MDGA2: variants seen among roughly 807,000 people sequenced by gnomAD.
MDGA2 encodes the protein MAM domain containing glycosylphosphatidylinositol anchor 2, also known as MAM domain-containing glycosylphosphatidylinositol anchor protein 2.
A neutral mutation model predicts 117.8 loss-of-function variants in MDGA2; 40 were observed. The observed-to-expected ratio is 0.34, with a 90% CI of 0.26 to 0.44. The LOEUF is 0.44. MDGA2 is among the 20% of genes least tolerant of loss of function. The pLI is 1.00. For missense variants in MDGA2, 1,123 were observed against 1,250.6 expected (o/e 0.90, Z 1.54); for synonymous variants, 452 against 439.0 (o/e 1.03, Z -0.37).
At chr14:46,977,430 T>C (rs1196900963) in intron 8 of MDGA2, among the ~76,000 whole-genome samples, 2 of 151,952 alleles carry the variant, frequency 1.3e-5, no homozygotes, top group African/African-American at 4.8e-5. Context: ...TTTTCTAGAA[T>C]AAGTAACCCT....
At chr14:47,165,543 T>C (rs1373589565) in intron 3 of MDGA2, among the ~76,000 whole-genome samples, 3 of 152,132 alleles carry the variant, frequency 2.0e-5, no homozygotes, top group African/African-American at 7.2e-5. Context: ...AGGTAAGGGA[T>C]AAAGGTACCC....
At chr14:47,447,583 A>G (rs1463129286) in intron 1 of MDGA2, among the ~76,000 whole-genome samples, 1 of 152,104 alleles carries the variant, frequency 6.6e-6, no homozygotes, top group Admixed American at 6.6e-5. Context: ...AATTCTTAAC[A>G]TTCTATGGGG....
At chr14:47,372,810 T>C (rs1476498093) in intron 1 of MDGA2, among the ~76,000 whole-genome samples, 2 of 151,994 alleles carry the variant, frequency 1.3e-5, no homozygotes, top group Non-Finnish European at 2.9e-5. Context: ...AATAATTAAA[T>C]TTGACTATCC....
At chr14:47,529,785 T>C (rs1254932059) in intron 1 of MDGA2, among the ~76,000 whole-genome samples, 4 of 152,238 alleles carry the variant, frequency 2.6e-5, no homozygotes, top group Non-Finnish European at 5.9e-5. Context: ...TAAATGCCGT[T>C]ATGCATGTCA....
rs1894777966 is a variant in MDGA2 at position 47,517,474 on chromosome 14, C to A, written c.280+157043G>T. Among the ~76,000 whole-genome samples, 3 of 152,010 alleles carry A rather than the reference C, an allele frequency of 2.0e-5. 1 individual carries two copies. In the South Asian group the frequency reaches 6.2e-4, roughly 32 times the overall value. On this transcript the variant is annotated intron_variant, in intron 1 of 16. Coordinates refer to ENST00000399232, the MANE Select transcript of MDGA2 (RefSeq NM_001113498.3). ...AACTTCCAAAAATACTATTTTTAAT[C>A]TTCATTTTAAAAAAGCAATATGCAA...
intron 1 of MDGA2, among the ~76,000 whole-genome samples, chr14:47,412,558 A>C (rs1892395688): frequency 6.6e-6 from 1 of 152,252 alleles, no homozygotes; most frequent in Non-Finnish European, 1.5e-5. Context: ...TTGGGATTAC[A>C]GGCATGAGCT....
chr14:47,525,563 T>G (rs1244592808), intron 1 of MDGA2, among the ~76,000 whole-genome samples: 1 of 152,036 alleles, frequency 6.6e-6, no homozygotes, highest in Admixed American at 6.6e-5. Flanking sequence ...CACACAGCTG[T>G]GGCCCCAGCT....
intron 1 of MDGA2, among the ~76,000 whole-genome samples, chr14:47,358,404 T>C (rs1014565053): frequency 3.9e-5 from 6 of 152,212 alleles, no homozygotes; most frequent in Non-Finnish European, 8.8e-5. Flanking sequence ...GACTGTCACC[T>C]GCCAAGCAAT....
intron 7 of MDGA2, among the ~76,000 whole-genome samples, chr14:47,041,018 CAT>C (rs1210268549): frequency 2.0e-5 from 3 of 152,016 alleles, no homozygotes; most frequent in African/African-American, 4.8e-5. Flanking sequence ...TAGAGATAAA[CAT>C]AATCAATATG....
intron 14 of MDGA2, among the ~76,000 whole-genome samples, chr14:46,865,300 T>C (rs991882191): frequency 1.3e-5 from 2 of 152,152 alleles, no homozygotes; most frequent in African/African-American, 4.8e-5. Flanking sequence ...CACATGATTA[T>C]CTCAATAGAT....
intron 8 of MDGA2, 57 bp from the exon 9 acceptor site, chr14:46,957,700 C>A: frequency 6.3e-7 from 1 of 1,591,704 alleles, no homozygotes; most frequent in South Asian, 1.1e-5. Context: ...AAGCCAAAAG[C>A]TACTCTTATT....
intron 2 of MDGA2, among the ~76,000 whole-genome samples, chr14:47,230,898 C>T (rs1272426016): frequency 6.6e-6 from 1 of 151,918 alleles, no homozygotes; most frequent in Non-Finnish European, 1.5e-5. Flanking sequence ...TATTCCTACA[C>T]ACATTTGAAA....
chr14:47,529,709 G>A (rs1468496826), intron 1 of MDGA2, among the ~76,000 whole-genome samples: 1 of 152,112 alleles, frequency 6.6e-6, no homozygotes, highest in Non-Finnish European at 1.5e-5. Context: ...TACTGAGAAT[G>A]GTCAGCTAGA....
intron 5 of MDGA2, among the ~76,000 whole-genome samples, chr14:47,104,981 T>C (rs1049493626): frequency 6.6e-6 from 1 of 152,162 alleles, no homozygotes; most frequent in African/African-American, 2.4e-5. Context: ...ACATGTTTTA[T>C]CTGTGAACCC....
At chr14:46,943,639 C>A (rs1885072434) in intron 9 of MDGA2, among the ~76,000 whole-genome samples, 1 of 152,048 alleles carries the variant, frequency 6.6e-6, no homozygotes, top group African/African-American at 2.4e-5. Flanking sequence ...CTTCTCACTT[C>A]CCACATCACA....
chr14:46,905,237 T>G (rs1389218758), intron 10 of MDGA2, among the ~76,000 whole-genome samples: 2 of 152,174 alleles, frequency 1.3e-5, no homozygotes, highest in African/African-American at 2.4e-5. Flanking sequence ...ATTTCAGATA[T>G]TCAATGAAAT....
At chr14:47,373,803 T>C (rs1185751261) in intron 1 of MDGA2, among the ~76,000 whole-genome samples, 1 of 152,128 alleles carries the variant, frequency 6.6e-6, no homozygotes, top group Non-Finnish European at 1.5e-5. Context: ...TGGCCTGAAA[T>C]GGGTGAATTG....
intron 1 of MDGA2, among the ~76,000 whole-genome samples, chr14:47,647,980 ATATC>A (rs1200442251): frequency 3.3e-5 from 5 of 152,176 alleles, no homozygotes; most frequent in South Asian, 2.1e-4. Context: ...CAAAATATGT[ATATC>A]TATTATGCAT....
intron 8 of MDGA2, among the ~76,000 whole-genome samples, chr14:46,978,553 C>G (rs1886552898): frequency 6.6e-6 from 1 of 152,002 alleles, no homozygotes; most frequent in African/African-American, 2.4e-5. Flanking sequence ...ATTTCACATA[C>G]AGGTACTGAG....
Sources: allele counts gnomAD v4.1 joint callset (sites outside exome capture counted in the v4.1 genomes callset), GRCh38; gene constraint gnomAD v4.1.1; transcripts MANE v1.5; gene names NCBI Gene and HGNC (gene_info 2026-07-23, HGNC 2026-07-21).